The following NCAM2 variants were observed in gnomAD, a reference collection of about 807,000 sequenced individuals.
NCAM2 encodes the protein N-CAM-2.
Under a neutral mutation model 98.1 loss-of-function variants are expected in NCAM2, and 30 were observed. That is an observed-to-expected ratio of 0.31 (90% CI 0.23 to 0.41). The LOEUF (loss-of-function observed/expected upper bound fraction) is 0.41, where lower values mean the gene tolerates loss of function less well. Among genes scored for constraint, NCAM2 ranks in the 10% least tolerant of loss-of-function variants. The probability of loss-of-function intolerance (pLI) is 1.00; values close to 1 mark genes in which losing one functional copy is unlikely to be tolerated. For synonymous variants in NCAM2, 368 were observed against 342.4 expected, an observed-to-expected ratio of 1.07 and a Z score of -0.83; for missense variants, 867 against 1,005.8, an observed-to-expected ratio of 0.86 and a Z score of 1.87.
intron 1 of NCAM2, among the ~76,000 whole-genome samples, chr21:21,080,436 G>T (rs933536200): frequency 6.6e-6 from 1 of 151,804 alleles, no homozygotes; most frequent in South Asian, 2.1e-4. Context: ...GACCAACATG[G>T]AGAAACCCCA....
At chr21:21,041,194 CAT>C (rs2064897279) in intron 1 of NCAM2, among the ~76,000 whole-genome samples, 1 of 152,054 alleles carries the variant, frequency 6.6e-6, no homozygotes. Context: ...ATATAAGAAA[CAT>C]AGAACCTATG....
chr21:21,022,653 C>T (rs2064461373), intron 1 of NCAM2, among the ~76,000 whole-genome samples: 1 of 152,036 alleles, frequency 6.6e-6, no homozygotes, highest in African/African-American at 2.4e-5. Context: ...TTTATTAATA[C>T]AATTGCAAAT....
intron 5 of NCAM2, among the ~76,000 whole-genome samples, chr21:21,297,705 TTTAG>T (rs1190220649): frequency 2.7e-5 from 4 of 148,778 alleles, no homozygotes; most frequent in Non-Finnish European, 6.0e-5. Context: ...ATTCCTAGGC[TTTAG>T]TTAAATAATA....
At chr21:21,332,134 A>AT (rs2074729693) in intron 6 of NCAM2, among the ~76,000 whole-genome samples, 1 of 151,380 alleles carries the variant, frequency 6.6e-6, no homozygotes, top group Non-Finnish European at 1.5e-5. Context: ...GTAACTCCTG[A>AT]CCTTGTGATC....
At chr21:21,007,124 A>G (rs569396818) in intron 1 of NCAM2, among the ~76,000 whole-genome samples, 34 of 152,184 alleles carry the variant, frequency 2.2e-4, no homozygotes, top group Non-Finnish European at 4.4e-4. Flanking sequence ...TCAGAAATGC[A>G]TGTCTTTACT....
At chr21:21,158,105 C>A (rs987737787) in intron 1 of NCAM2, among the ~76,000 whole-genome samples, 8 of 151,922 alleles carry the variant, frequency 5.3e-5, no homozygotes, top group Non-Finnish European at 7.4e-5. Flanking sequence ...AGAAGGCATA[C>A]GTATAGAATA....
rs193246632 is a variant in NCAM2, at chr21:21,049,854, A to C, written c.55+51236A>C. 3.2e-4 allele frequency among the ~76,000 whole-genome samples: 48 copies of C among 151,110 alleles called. No homozygotes were observed. In the East Asian group the frequency reaches 9.2e-3, roughly 29 times the overall value. On this transcript the variant is annotated intron_variant, in intron 1 of 17. Transcript: ENST00000400546. ...CCATTGCACTCCAGCCTGGGCAAAA[A>C]GAGTGAAACTCCATCTCAAAAAAAA... is the stretch of plus-strand genomic sequence containing the variant.
chr21:21,324,306 A>G (rs2074454070), intron 5 of NCAM2, 77 bp from the exon 6 acceptor site: 4 of 1,049,182 alleles, frequency 3.8e-6, no homozygotes, highest in Non-Finnish European at 5.6e-6. Flanking sequence ...AAAGCTTAAA[A>G]TGTAGCAAAA....
chr21:21,408,364 T>C (rs913776028), intron 9 of NCAM2, among the ~76,000 whole-genome samples: 11 of 152,228 alleles, frequency 7.2e-5, no homozygotes, highest in Non-Finnish European at 4.4e-5. Flanking sequence ...CCACCATTTA[T>C]GGGATGTTAA....
At chr21:21,007,275 T>C (rs2064129564) in intron 1 of NCAM2, among the ~76,000 whole-genome samples, 1 of 152,196 alleles carries the variant, frequency 6.6e-6, no homozygotes, top group African/African-American at 2.4e-5. Flanking sequence ...TGTAACTTGT[T>C]CATTCCCAGC....
intron 1 of NCAM2, among the ~76,000 whole-genome samples, chr21:21,249,407 A>G (rs1266485889): frequency 6.6e-6 from 1 of 152,162 alleles, no homozygotes; most frequent in East Asian, 1.9e-4. Flanking sequence ...TACTGAAACA[A>G]TACCCACCTG....
chr21:21,165,173 G>T (rs910395832), intron 1 of NCAM2, among the ~76,000 whole-genome samples: 10 of 152,250 alleles, frequency 6.6e-5, no homozygotes, highest in African/African-American at 2.4e-4. Context: ...GGGGCAAATA[G>T]AAGCCAGACA....
intron 14 of NCAM2, among the ~76,000 whole-genome samples, chr21:21,474,544 T>A (rs2146249869): frequency 6.6e-6 from 1 of 152,172 alleles, no homozygotes. Context: ...TTTTTTGGCT[T>A]ATTTTCTGGC....
intron 1 of NCAM2, among the ~76,000 whole-genome samples, chr21:21,247,243 C>T (rs1168661103): frequency 4.6e-5 from 7 of 151,946 alleles, no homozygotes; most frequent in African/African-American, 9.7e-5. Context: ...GGCGTGAACC[C>T]GGGAGGCGGA....
At chr21:21,236,548 G>T (rs2070832697) in intron 1 of NCAM2, among the ~76,000 whole-genome samples, 1 of 151,996 alleles carries the variant, frequency 6.6e-6, no homozygotes, top group Admixed American at 6.6e-5. Context: ...TAACATAAAA[G>T]AGTAGCTTCT....
At chr21:21,286,236 TGA>T (rs762574682) in intron 3 of NCAM2, 31 bp from the exon 4 acceptor site, 4 of 1,543,934 alleles carry the variant, frequency 2.6e-6, no homozygotes, top group Non-Finnish European at 3.5e-6. Flanking sequence ...TTGTGATTTG[TGA>T]TTTGTGATTT....
intron 1 of NCAM2, among the ~76,000 whole-genome samples, chr21:21,205,901 T>G (rs1311874823): frequency 6.6e-6 from 1 of 152,120 alleles, no homozygotes; most frequent in Admixed American, 6.6e-5. Context: ...TGTGGCTTAT[T>G]ATATAAGGGT....
chr21:21,396,959 C>T (rs537780373), intron 9 of NCAM2, among the ~76,000 whole-genome samples: 128 of 152,250 alleles, frequency 8.4e-4, no homozygotes, highest in Non-Finnish European at 1.4e-3. Context: ...CTTTCAGTCC[C>T]GCCATTCTGC....
At chr21:21,067,897 G>A (rs1261658710) in intron 1 of NCAM2, among the ~76,000 whole-genome samples, 1 of 152,028 alleles carries the variant, frequency 6.6e-6, no homozygotes, top group Non-Finnish European at 1.5e-5. Flanking sequence ...GATGGATGAT[G>A]TATATTGGGG....
Sources: allele counts gnomAD v4.1 joint callset (sites outside exome capture counted in the v4.1 genomes callset), GRCh38; gene constraint gnomAD v4.1.1; transcripts MANE v1.5; gene names NCBI Gene and HGNC (gene_info 2026-07-23, HGNC 2026-07-21).